The following ARID4A variants were observed in gnomAD, a reference collection of about 807,000 sequenced individuals.
ARID4A encodes the protein AT-rich interactive domain-containing protein 4A.
In ARID4A, 39 loss-of-function variants were observed where a neutral mutation model predicts 148.6. The ratio of observed to expected loss-of-function variants is 0.26; its 90% confidence interval spans 0.20 to 0.34. The LOEUF is 0.34. Among genes scored for constraint, ARID4A ranks in the 10% least tolerant of loss-of-function variants. The probability of loss-of-function intolerance (pLI) is 1.00; values close to 1 mark genes in which losing one functional copy is unlikely to be tolerated. For missense variants in ARID4A, 1,265 were observed against 1,449.1 expected, an observed-to-expected ratio of 0.87 and a Z score of 2.06; for synonymous variants, 475 against 481.2, an observed-to-expected ratio of 0.99 and a Z score of 0.17.
chr14:58,320,619 T>C (rs1459194148), intron 7 of ARID4A, among the ~76,000 whole-genome samples: 3 of 150,480 alleles, frequency 2.0e-5, no homozygotes, highest in Non-Finnish European at 3.0e-5. Flanking sequence ...TTTTTTTTTT[T>C]TCCCCTGAGA....
At chr14:58,299,998 G>A in intron 2 of ARID4A, 138 bp downstream of exon 2, 1 of 1,214,504 alleles carries the variant, frequency 8.2e-7, no homozygotes, top group Non-Finnish European at 1.2e-6. Context: ...AGGAGGATGT[G>A]TTGAATGGGT....
intron 17 of ARID4A, among the ~76,000 whole-genome samples, chr14:58,358,362 G>A (rs1224290331): frequency 6.6e-6 from 1 of 152,140 alleles, no homozygotes; most frequent in Non-Finnish European, 1.5e-5. Context: ...CAGATATTGG[G>A]AGGCTGAGGC....
At chr14:58,329,647 CTAT>C (rs1566688885) in intron 10 of ARID4A, 43 bp downstream of exon 10, 1 of 1,478,258 alleles carries the variant, frequency 6.8e-7, no homozygotes. Flanking sequence ...TGTTGTGGCT[CTAT>C]TTGGAAAATA....
intron 3 of ARID4A, 62 bp downstream of exon 3, chr14:58,301,752 G>C: frequency 7.9e-7 from 1 of 1,265,098 alleles, no homozygotes; most frequent in South Asian, 1.4e-5. Context: ...TGGGGAGAGA[G>C]AGACTGCAAA....
At chr14:58,323,896 CTTTTTTTTTTT>C (rs545318449) in intron 8 of ARID4A, among the ~76,000 whole-genome samples, 16 of 104,178 alleles carry the variant, frequency 1.5e-4, no homozygotes, top group African/African-American at 5.0e-4. Flanking sequence ...CTTAGGTTCC[CTTTTTTTTTTT>C]TTTTTTTTTT....
chr14:58,343,897 G>A (rs1223970122), intron 11 of ARID4A, among the ~76,000 whole-genome samples: 1 of 151,670 alleles, frequency 6.6e-6, no homozygotes, highest in African/African-American at 2.4e-5. Context: ...TCTAAGTTAT[G>A]ATCATTTATA....
intron 15 of ARID4A, among the ~76,000 whole-genome samples, chr14:58,349,947 A>G (rs1444637792): frequency 6.6e-6 from 1 of 151,762 alleles, no homozygotes; most frequent in South Asian, 2.1e-4. Context: ...TGTCTCTACT[A>G]AAAATACAAA....
rs1354785677 is a variant in ARID4A at position 58,328,293 on chromosome 14, T to G, written c.639T>G (p.Val213=). Residue 213 remains valine, a synonymous_variant, in exon 9 of 24, where the codon GTT becomes GTG. Coordinates refer to ENST00000355431, the MANE Select transcript of ARID4A (RefSeq NM_002892.4). ...DITVKKDQCL[V]RSFIDSKFYS... ...CAGTGAAAAAGGATCAGTGTTTAGT[T>G]CGATCATTTATTGATTCTAAATTGT... The G allele has an allele frequency of 5.0e-6, 8 of 1,602,404 alleles. No homozygotes were observed. Among genetic ancestry groups the G allele is most frequent in the Non-Finnish European group, 6.8e-6 (8 of 1,170,050 alleles).
intron 11 of ARID4A, among the ~76,000 whole-genome samples, chr14:58,336,934 C>G (rs2033847069): frequency 6.6e-6 from 1 of 150,706 alleles, no homozygotes; most frequent in African/African-American, 2.4e-5. Flanking sequence ...CTCCGTCACT[C>G]AGACTGGAGT....
intron 5 of ARID4A, among the ~76,000 whole-genome samples, chr14:58,312,662 C>CT (rs2032129556): frequency 6.6e-6 from 1 of 152,126 alleles, no homozygotes; most frequent in South Asian, 2.1e-4. Flanking sequence ...AATAATGATA[C>CT]TTAATTTTCC....
intron 14 of ARID4A, among the ~76,000 whole-genome samples, 185 bp from the exon 15 acceptor site, chr14:58,347,462 A>G (rs2034428368): frequency 6.6e-6 from 1 of 152,240 alleles, no homozygotes; most frequent in African/African-American, 2.4e-5. Flanking sequence ...TCAGGACGGC[A>G]TTTTATGATC....
At chr14:58,336,743 C>G (rs1292834940) in intron 11 of ARID4A, among the ~76,000 whole-genome samples, 4 of 151,872 alleles carry the variant, frequency 2.6e-5, no homozygotes, top group Admixed American at 6.6e-5. Flanking sequence ...TTAGTCCTTA[C>G]AACAGTCTAT....
chr14:58,349,756 A>T (rs2034547022), intron 15 of ARID4A, among the ~76,000 whole-genome samples: 1 of 151,846 alleles, frequency 6.6e-6, no homozygotes, highest in Non-Finnish European at 1.5e-5. Flanking sequence ...TCTGGGACAA[A>T]GGTATACAGA....
chr14:58,366,657 T>C (rs926764285), intron 22 of ARID4A, among the ~76,000 whole-genome samples: 2 of 152,208 alleles, frequency 1.3e-5, no homozygotes, highest in East Asian at 1.9e-4. Flanking sequence ...TTTCTGATCA[T>C]TTAAGTAATA....
At position 58,366,144 on chromosome 14, in the gene ARID4A, C is replaced by T. The variant is rs201425263; in HGVS notation, c.3437C>T (p.Pro1146Leu). 2.5e-5 allele frequency: 41 copies of T among 1,613,822 alleles called. No individual in the cohort carries two copies. Among genetic ancestry groups the T allele is most frequent in the East Asian group, 1.8e-4 (8 of 44,838 alleles). The change falls in exon 22 of 24, where the codon CCG becomes CTG. Residue 1146 changes from proline (P) to leucine (L), a missense_variant. Physicochemically the swap from Pro to Leu is moderately conservative, Grantham distance 98. Transcript: ENST00000355431. ...GCACGATCTCCTGCAAGAATATCCC[C>T]GCACATCAAAGATGGAGAGAAAGAT... is the stretch of plus-strand genomic sequence containing the variant. ...KLARSPARISPHIKDGEKDKH... is the reference protein window; with the variant it reads ...KLARSPARISLHIKDGEKDKH...
chr14:58,300,935 G>A (rs1182094069), intron 2 of ARID4A, among the ~76,000 whole-genome samples: 1 of 152,078 alleles, frequency 6.6e-6, no homozygotes, highest in African/African-American at 2.4e-5. Flanking sequence ...TCCATTTGCT[G>A]AAAGTAGATG....
intron 18 of ARID4A, among the ~76,000 whole-genome samples, chr14:58,359,754 G>C (rs751166703): frequency 6.6e-6 from 1 of 152,096 alleles, no homozygotes; most frequent in African/African-American, 2.4e-5. Flanking sequence ...TATTGTGTTT[G>C]TTTAATAAAT....
At chr14:58,358,226 T>G (rs551218619) in intron 17 of ARID4A, among the ~76,000 whole-genome samples, 1 of 152,112 alleles carries the variant, frequency 6.6e-6, no homozygotes, top group Non-Finnish European at 1.5e-5. Context: ...CCCAGCACTT[T>G]GGGAGACTGA....
intron 16 of ARID4A, 111 bp from the exon 17 acceptor site, chr14:58,353,547 G>A (rs1319496776): frequency 1.1e-6 from 1 of 897,328 alleles, no homozygotes; most frequent in African/African-American, 1.7e-5. Context: ...CCACTGATAT[G>A]TTATTAAGGT....
Sources: gnomAD v4.1 joint callset for allele counts (sites outside exome capture counted in the v4.1 genomes callset) on GRCh38, gnomAD v4.1.1 for gene constraint, MANE v1.5 for transcripts, NCBI Gene and HGNC (gene_info 2026-07-23, HGNC 2026-07-21) for gene names.